The following SCNN1G variants were observed in gnomAD, a reference collection of about 807,000 sequenced individuals.
SCNN1G encodes sodium channel epithelial 1 subunit gamma, also known as epithelial sodium channel subunit gamma.
Under a neutral mutation model 64.6 loss-of-function variants are expected in SCNN1G, and 27 were observed. The observed-to-expected ratio is 0.42, with a 90% CI of 0.31 to 0.58. SCNN1G has a LOEUF of 0.58. SCNN1G is among the 20% of genes least tolerant of loss of function. The probability of loss-of-function intolerance (pLI) is 0.18; values close to 1 mark genes in which losing one functional copy is unlikely to be tolerated. For missense variants in SCNN1G, 743 were observed against 823.4 expected, an observed-to-expected ratio of 0.90 and a Z score of 1.19; for synonymous variants, 330 against 314.2, an observed-to-expected ratio of 1.05 and a Z score of -0.53.
chr16:23,214,905 T>C (rs1024599357), intron 12 of SCNN1G, 118 bp downstream of exon 12: 1 of 1,107,390 alleles, frequency 9.0e-7, no homozygotes, highest in South Asian at 1.3e-5. Flanking sequence ...AGGGCTGTTG[T>C]AGGCTAGCCA....
intron 6 of SCNN1G, among the ~76,000 whole-genome samples, chr16:23,203,160 G>A (rs1959919955): frequency 1.3e-5 from 2 of 152,222 alleles, no homozygotes; most frequent in Non-Finnish European, 2.9e-5. Context: ...GACCAAATAA[G>A]CAAGTACAGT....
rs751255140 is a variant in SCNN1G at position 23,209,740 on chromosome 16, G to C, written c.1078-10G>C. On this transcript the variant is annotated splice_polypyrimidine_tract_variant and intron_variant, in intron 6 of 12. Coordinates refer to ENST00000300061, the MANE Select transcript of SCNN1G (RefSeq NM_001039.4). ...AGGACAGGGCTGAGTGTGTGCTGCT[G>C]TGATTGCAGACAGAGTCCTTCAAGC... 2 of 1,607,158 alleles carry C rather than the reference G, an allele frequency of 1.2e-6. No homozygotes were observed. The highest frequency in any genetic ancestry group is 1.7e-6 in the Non-Finnish European group (2 of 1,173,714).
In SCNN1G at chr16:23,189,354, C is replaced by T. The variant is rs769743156; in HGVS notation, c.318-17C>T. On this transcript the variant is annotated splice_polypyrimidine_tract_variant and intron_variant, in intron 2 of 12. Transcript: ENST00000300061. ...GCCGCCTCCCCTCTCCCTGACTTTT[C>T]CTCCCCACCTTGGCAGGTACAGCAC... 3.0e-5 allele frequency: 49 copies of T among 1,611,960 alleles called. No homozygotes were observed. Among genetic ancestry groups the T allele is most frequent in the Non-Finnish European group, 4.0e-5 (47 of 1,180,010 alleles).
chr16:23,203,964 G>A (rs1262086943), intron 6 of SCNN1G, among the ~76,000 whole-genome samples: 1 of 151,458 alleles, frequency 6.6e-6, no homozygotes, highest in Non-Finnish European at 1.5e-5. Flanking sequence ...AATGTGTTTG[G>A]CATATAGTCA....
chr16:23,202,753 G>A (rs774652476), intron 6 of SCNN1G, among the ~76,000 whole-genome samples: 2 of 152,122 alleles, frequency 1.3e-5, no homozygotes, highest in East Asian at 1.9e-4. Context: ...CAGAAGGGCC[G>A]GGGGAAGTTA....
At chr16:23,207,758 AC>A (rs1289081903) in intron 6 of SCNN1G, among the ~76,000 whole-genome samples, 2 of 152,206 alleles carry the variant, frequency 1.3e-5, no homozygotes, top group African/African-American at 4.8e-5. Flanking sequence ...CCCTGGAGGT[AC>A]TTGCAGCTAA....
chr16:23,194,179 C>T lies in SCNN1G; in HGVS notation c.818C>T (p.Thr273Met), dbSNP rs748932287. The change falls in exon 5 of 13, where the codon ACG (threonine) becomes ATG (methionine). Residue 273 changes from threonine (T) to methionine (M), a missense_variant. Thr to Met is a moderately conservative substitution (Grantham distance 81). Transcript: ENST00000300061. The stretch of plus-strand genomic sequence containing the variant: ...ATTTTCTTCCTCCATAGGAATTTCA[C>T]GCTTTTCCACCACCCGATGCATGGG... ...DGVSCDARNF[T>M]LFHHPMHGNC... 4.5e-5 allele frequency: 73 copies of T among 1,612,352 alleles called. No individual in the cohort carries two copies. Among genetic ancestry groups the T allele is most frequent in the Admixed American group, 1.0e-4 (6 of 60,000 alleles).
intron 8 of SCNN1G, 63 bp downstream of exon 8, chr16:23,212,214 T>C: frequency 9.4e-7 from 1 of 1,067,070 alleles, no homozygotes; most frequent in Non-Finnish European, 1.5e-6. Context: ...GTCCTGGCAA[T>C]AGGCACTCCT....
chr16:23,212,248 T>C (rs1960091674), intron 8 of SCNN1G, 97 bp downstream of exon 8: 1 of 810,210 alleles, frequency 1.2e-6, no homozygotes, highest in East Asian at 2.4e-5. Flanking sequence ...TGTTGCCTTT[T>C]GCGTGAGGGA....
chr16:23,204,493 A>G (rs1258762759), intron 6 of SCNN1G, among the ~76,000 whole-genome samples: 1 of 146,442 alleles, frequency 6.8e-6, no homozygotes, highest in African/African-American at 2.5e-5. Context: ...TCTCTCCTTT[A>G]TGAATTTTAT....
In SCNN1G at chr16:23,216,034, G is replaced by A. The variant is rs1183974560; in HGVS notation, c.*565G>A. The stretch of plus-strand genomic sequence containing the variant: ...CCATGCCCTCAGGCAGCAGAGAACT[G>A]GCCCAGAGCCCTTGGAGTGTTGGTG... On this transcript the variant is annotated 3_prime_UTR_variant, in exon 13 of 13. Coordinates refer to ENST00000300061, the MANE Select transcript of SCNN1G (RefSeq NM_001039.4). The A allele has an allele frequency of 5.5e-6, 1 of 180,900 alleles. No homozygotes were observed. Among genetic ancestry groups the A allele is most frequent in the African/African-American group, 2.4e-5 (1 of 41,902 alleles). 11.2% of individuals were successfully genotyped at this position (180,900 alleles called of 1,614,324 possible). A position where few individuals can be genotyped will look rare whatever the true frequency, so the allele number is the denominator to read the frequency against.
At chr16:23,202,923 G>A (rs1036717665) in intron 6 of SCNN1G, among the ~76,000 whole-genome samples, 11 of 152,174 alleles carry the variant, frequency 7.2e-5, no homozygotes, top group African/African-American at 2.7e-4. Flanking sequence ...TGAAAAGAAA[G>A]CATTCATTAG....
chr16:23,204,280 AATATATACATATATATAT>A (rs1959940357), intron 6 of SCNN1G, among the ~76,000 whole-genome samples: 1 of 75,214 alleles, frequency 1.3e-5, no homozygotes, highest in Non-Finnish European at 2.4e-5. Context: ...CTCCATCACA[AATATATACATATATATAT>A]ATATATATAT....
intron 6 of SCNN1G, among the ~76,000 whole-genome samples, chr16:23,200,202 T>G (rs1184482493): frequency 2.6e-5 from 4 of 152,056 alleles, no homozygotes; most frequent in Non-Finnish European, 4.4e-5. Context: ...AGCCCAAGGA[T>G]CTATATTTTT....
chr16:23,188,604 C>A (rs188792726), intron 2 of SCNN1G, among the ~76,000 whole-genome samples: 1 of 152,168 alleles, frequency 6.6e-6, no homozygotes, highest in Non-Finnish European at 1.5e-5. Flanking sequence ...ACCTTCCCAG[C>A]AAATCCCGTT....
At position 23,186,430 on chromosome 16, in the gene SCNN1G, C is replaced by G. The variant is rs536006286; in HGVS notation, c.159C>G (p.Arg53=). ...TGGTGTCCCGCGGCCGTCTGCGCCG[C>G]CTCCTCTGGATCGGGTTCACACTGA... The part of the protein sequence containing the change: ...RIVVSRGRLR[R]LLWIGFTLTA... Residue 53 remains arginine (R), a synonymous_variant, in exon 2 of 13, where the codon CGC becomes CGG. Coordinates refer to ENST00000300061, the MANE Select transcript of SCNN1G (RefSeq NM_001039.4). 6.2e-7 allele frequency: 1 copy of G among 1,614,138 alleles called. No individual in the cohort carries two copies.
At chr16:23,199,428 G>T (rs1959849072) in intron 6 of SCNN1G, among the ~76,000 whole-genome samples, 1 of 152,036 alleles carries the variant, frequency 6.6e-6, no homozygotes, top group Admixed American at 6.6e-5. Flanking sequence ...ACGTGTATTT[G>T]CCCAGTTACT....
chr16:23,210,700 A>G (rs1312464701), intron 7 of SCNN1G, among the ~76,000 whole-genome samples: 11 of 152,304 alleles, frequency 7.2e-5, no homozygotes. Flanking sequence ...CAACTTAGAT[A>G]AGAGCTGAGC....
In SCNN1G at chr16:23,192,378, C is replaced by T; in HGVS notation, c.645C>T (p.Ala215=). ...GCTCAAATGACACCTCCGACTGTGC[C>T]ACCTACACCTTCAGCTCGGGAATCA... is the stretch of plus-strand genomic sequence containing the variant. ...QLCSNDTSDC[A]TYTFSSGINA... The change falls in exon 4 of 13, where the codon GCC becomes GCT. Residue 215 remains alanine (A), a synonymous_variant. Transcript: ENST00000300061. 1 of 1,614,124 alleles carries T rather than the reference C, an allele frequency of 6.2e-7. No individual in the cohort carries two copies.
Sources: gnomAD v4.1 joint callset for allele counts (sites outside exome capture counted in the v4.1 genomes callset) on GRCh38, gnomAD v4.1.1 for gene constraint, MANE v1.5 for transcripts, NCBI Gene and HGNC (gene_info 2026-07-23, HGNC 2026-07-21) for gene names.